Variants in BATF observed in about 807,000 individuals in gnomAD.
BATF encodes basic leucine zipper transcriptional factor ATF-like.
A neutral mutation model predicts 13.7 loss-of-function variants in BATF; 5 were observed. The ratio of observed to expected loss-of-function variants is 0.36; its 90% confidence interval spans 0.19 to 0.77. The LOEUF (loss-of-function observed/expected upper bound fraction) is 0.77, where lower values mean the gene tolerates loss of function less well. Among genes scored for constraint, BATF ranks in the 30% least tolerant of loss-of-function variants. The pLI is 0.51. For missense variants in BATF, 124 were observed against 163.0 expected (o/e 0.76, Z 1.30); for synonymous variants, 72 against 67.5 (o/e 1.07, Z -0.33).
chr14:75,525,737 A>G (rs147095479), intron 2 of BATF, among the ~76,000 whole-genome samples: 202 of 151,446 alleles, frequency 1.3e-3, no homozygotes, highest in South Asian at 6.7e-3. Context: ...GGGCCTTTCT[A>G]CCCCAGGAGG....
At chr14:75,525,685 G>C (rs964273529) in intron 2 of BATF, among the ~76,000 whole-genome samples, 1 of 150,514 alleles carries the variant, frequency 6.6e-6, no homozygotes, top group Non-Finnish European at 1.5e-5. Flanking sequence ...AAAATAGAAG[G>C]CTCTGTAGCA....
At chr14:75,532,855 G>A (rs772280493) in intron 2 of BATF, among the ~76,000 whole-genome samples, 2 of 152,146 alleles carry the variant, frequency 1.3e-5, no homozygotes, top group Non-Finnish European at 2.9e-5. Context: ...AAAATTTGTG[G>A]GTTTTGGGCA....
chr14:75,525,450 G>C (rs1229537204), intron 2 of BATF, among the ~76,000 whole-genome samples: 1 of 151,888 alleles, frequency 6.6e-6, no homozygotes, highest in African/African-American at 2.4e-5. Flanking sequence ...GTCACCTGAG[G>C]TCAGGAGTTC....
chr14:75,524,447 G>T (rs974998992), intron 1 of BATF, among the ~76,000 whole-genome samples: 1 of 152,188 alleles, frequency 6.6e-6, no homozygotes, highest in Non-Finnish European at 1.5e-5. Flanking sequence ...GACCACATGG[G>T]GTGCAGAGTA....
In BATF at chr14:75,538,807, A is replaced by C. The variant is rs10129409; in HGVS notation, c.169-7655A>C. On this transcript the variant is annotated intron_variant, in intron 2 of 2. Transcript: ENST00000286639. ...TCCCAGCTACTAGGGAGGCTGAGGCAGGAGAATGGCATGAACCCGGGAGGC... is the reference window on the plus strand; with the variant it reads ...TCCCAGCTACTAGGGAGGCTGAGGCCGGAGAATGGCATGAACCCGGGAGGC... Among the ~76,000 whole-genome samples, 372 of 152,328 alleles carry C rather than the reference A, an allele frequency of 2.4e-3. 3 individuals carry two copies. Among genetic ancestry groups the C allele is most frequent in the African/African-American group, 8.7e-3 (360 of 41,576 alleles).
At chr14:75,522,817 G>GGCAGGACAAGGAA in intron 1 of BATF, 72 bp downstream of exon 1, 1 of 1,588,110 alleles carries the variant, frequency 6.3e-7, no homozygotes, top group Admixed American at 1.7e-5. Context: ...AGGCTTCCTT[G>GGCAGGACAAGGAA]TCCTGCCCAG....
At chr14:75,531,235 A>G (rs1887726531) in intron 2 of BATF, among the ~76,000 whole-genome samples, 1 of 152,224 alleles carries the variant, frequency 6.6e-6, no homozygotes, top group Non-Finnish European at 1.5e-5. Flanking sequence ...ACAGTACTAT[A>G]TGATAAAAGA....
At chr14:75,542,951 G>A (rs1035692838) in intron 2 of BATF, among the ~76,000 whole-genome samples, 32 of 152,340 alleles carry the variant, frequency 2.1e-4, no homozygotes, top group Non-Finnish European at 4.4e-4. Context: ...GCCTCTAGGC[G>A]GGGAGAAGGT....
At chr14:75,532,422 T>C (rs1394757611) in intron 2 of BATF, among the ~76,000 whole-genome samples, 1 of 152,218 alleles carries the variant, frequency 6.6e-6, no homozygotes. Flanking sequence ...ATATGTCATA[T>C]ATATCATGAT....
intron 1 of BATF, among the ~76,000 whole-genome samples, 173 bp from the exon 2 acceptor site, chr14:75,524,911 T>C (rs771238342): frequency 3.3e-5 from 5 of 151,842 alleles, no homozygotes; most frequent in Non-Finnish European, 7.4e-5. Flanking sequence ...TAAGCAGGCA[T>C]GGAGAAGAGC....
intron 2 of BATF, among the ~76,000 whole-genome samples, chr14:75,537,029 G>A (rs1887830123): frequency 1.3e-5 from 2 of 151,216 alleles, no homozygotes; most frequent in South Asian, 4.2e-4. Context: ...TATCCTACAT[G>A]AACACACACG....
intron 2 of BATF, among the ~76,000 whole-genome samples, chr14:75,534,075 C>T (rs1243886471): frequency 6.6e-6 from 1 of 152,170 alleles, no homozygotes; most frequent in Non-Finnish European, 1.5e-5. Flanking sequence ...AGAGTGAGTC[C>T]AAACTTGACA....
chr14:75,541,928 T>C (rs1037567101), intron 2 of BATF, among the ~76,000 whole-genome samples: 1 of 152,070 alleles, frequency 6.6e-6, no homozygotes, highest in Non-Finnish European at 1.5e-5. Context: ...CCTCCCAAAG[T>C]GCTGGGATTA....
At chr14:75,535,491 TA>T (rs1415007935) in intron 2 of BATF, among the ~76,000 whole-genome samples, 1 of 152,162 alleles carries the variant, frequency 6.6e-6, no homozygotes, top group Admixed American at 6.5e-5. Context: ...TTTTAACTTT[TA>T]AAAAATATCT....
intron 2 of BATF, among the ~76,000 whole-genome samples, chr14:75,535,230 A>G (rs1887799933): frequency 6.6e-6 from 1 of 152,166 alleles, no homozygotes; most frequent in African/African-American, 2.4e-5. Context: ...ACAGAGTGAG[A>G]TCCTGTCTCT....
intron 2 of BATF, among the ~76,000 whole-genome samples, chr14:75,538,738 A>G (rs1887853933): frequency 6.6e-6 from 1 of 152,146 alleles, no homozygotes; most frequent in South Asian, 2.1e-4. Flanking sequence ...TGTCTCTACT[A>G]AAAATACAAA....
rs1887996214 is a variant in BATF, at chr14:75,546,841, G to C, written c.*170G>C. 1.1e-6 allele frequency: 1 copy of C among 950,216 alleles called. No individual in the cohort carries two copies. Among genetic ancestry groups the C allele is most frequent in the Non-Finnish European group, 1.6e-6 (1 of 612,730 alleles). The allele number at this position is 950,216 out of a possible 1,614,324, so 58.9% of individuals were successfully genotyped here. A position where few individuals can be genotyped will look rare whatever the true frequency, so the allele number is the denominator to read the frequency against. On this transcript the variant is annotated 3_prime_UTR_variant, in exon 3 of 3. Transcript: ENST00000286639. ...GAAGGGCGTGAGGCCTCCCAGCAGT[G>C]CCGCAGCGTTTCGAGGGGCGTGTGC...
intron 2 of BATF, among the ~76,000 whole-genome samples, chr14:75,527,203 A>G (rs955984356): frequency 6.6e-6 from 1 of 152,230 alleles, no homozygotes; most frequent in African/African-American, 2.4e-5. Context: ...TTTAAGTATA[A>G]TAAGAGTAAT....
At chr14:75,532,443 A>G (rs1439764771) in intron 2 of BATF, among the ~76,000 whole-genome samples, 1 of 152,208 alleles carries the variant, frequency 6.6e-6, no homozygotes, top group African/African-American at 2.4e-5. Flanking sequence ...ATCAACATAT[A>G]TAGATAGGTA....
Sources: allele counts gnomAD v4.1 joint callset (sites outside exome capture counted in the v4.1 genomes callset), GRCh38; gene constraint gnomAD v4.1.1; transcripts MANE v1.5; gene names NCBI Gene and HGNC (gene_info 2026-07-23, HGNC 2026-07-21).